ZFHX3: variants seen among roughly 807,000 people sequenced by gnomAD.
ZFHX3 encodes zinc finger homeobox 3.
In ZFHX3, 42 loss-of-function variants were observed where a neutral mutation model predicts 279.1. The ratio of observed to expected loss-of-function variants is 0.15; its 90% CI spans 0.12 to 0.19. ZFHX3 has a LOEUF of 0.19. ZFHX3 is among the 10% of genes least tolerant of loss of function. The probability of loss-of-function intolerance (pLI) is 1.00; values close to 1 mark genes in which losing one functional copy is unlikely to be tolerated. For synonymous variants in ZFHX3, 2,293 were observed against 1,957.8 expected, an observed-to-expected ratio of 1.17 and a Z score of -4.52; for missense variants, 4,981 against 4,754.0, an observed-to-expected ratio of 1.05 and a Z score of -1.40.
intron 2 of ZFHX3, among the ~76,000 whole-genome samples, chr16:73,557,320 G>C (rs1249095745): frequency 6.6e-6 from 1 of 152,112 alleles, no homozygotes; most frequent in Non-Finnish European, 1.5e-5. Context: ...TGTACTATTA[G>C]ACCCTTGTGT....
intron 3 of ZFHX3, among the ~76,000 whole-genome samples, chr16:73,413,303 GA>G (rs2017506493): frequency 6.6e-6 from 1 of 152,238 alleles, no homozygotes; most frequent in South Asian, 2.1e-4. Flanking sequence ...AAGTTCAAAG[GA>G]AACTTGGGAA....
At chr16:73,428,444 C>A (rs1433273095) in intron 3 of ZFHX3, among the ~76,000 whole-genome samples, 2 of 152,140 alleles carry the variant, frequency 1.3e-5, no homozygotes, top group Non-Finnish European at 2.9e-5. Flanking sequence ...AAGAAAACAC[C>A]TCCCCGCGCT....
chr16:73,557,592 C>A (rs2020306994), intron 2 of ZFHX3, among the ~76,000 whole-genome samples: 1 of 152,126 alleles, frequency 6.6e-6, no homozygotes, highest in African/African-American at 2.4e-5. Flanking sequence ...CTGACATTGT[C>A]ATGGCATTTG....
chr16:73,844,428 T>A (rs1961391607), intron 1 of ZFHX3, among the ~76,000 whole-genome samples: 1 of 152,148 alleles, frequency 6.6e-6, no homozygotes, highest in African/African-American at 2.4e-5. Flanking sequence ...AAGGAGATCA[T>A]GAAAATAATG....
chr16:73,797,529 T>C (rs551868660), intron 1 of ZFHX3, among the ~76,000 whole-genome samples: 15 of 152,082 alleles, frequency 9.9e-5, no homozygotes, highest in Non-Finnish European at 1.6e-4. Flanking sequence ...GGGAGGTCAG[T>C]GGAAATTATA....
chr16:72,974,234 C>G (rs777048126), intron 1 of ZFHX3, among the ~76,000 whole-genome samples: 1 of 152,206 alleles, frequency 6.6e-6, no homozygotes, highest in Admixed American at 6.5e-5. Flanking sequence ...AGCTGCTTTT[C>G]TCTGGGCCTG....
chr16:73,535,374 C>T (rs560383941), intron 2 of ZFHX3, among the ~76,000 whole-genome samples: 3 of 152,318 alleles, frequency 2.0e-5, no homozygotes, highest in South Asian at 2.1e-4. Flanking sequence ...TAACAATCCA[C>T]TCTTGGGAGC....
At chr16:73,839,383 C>A (rs1961239704) in intron 1 of ZFHX3, among the ~76,000 whole-genome samples, 1 of 120,036 alleles carries the variant, frequency 8.3e-6, no homozygotes, top group Admixed American at 1.0e-4. Context: ...TCTGCATGGG[C>A]AATGAATTGA....
intron 4 of ZFHX3, among the ~76,000 whole-genome samples, chr16:72,869,051 C>G (rs1045621927): frequency 2.0e-5 from 3 of 152,128 alleles, no homozygotes; most frequent in African/African-American, 7.2e-5. Context: ...CTGAGCCATC[C>G]CAGGGCAAAC....
intron 4 of ZFHX3, among the ~76,000 whole-genome samples, chr16:72,832,189 G>A (rs187329786): frequency 2.6e-5 from 4 of 152,278 alleles, no homozygotes; most frequent in Admixed American, 2.0e-4. Flanking sequence ...ACAGCCTGCA[G>A]CTATCACAGC....
At chr16:73,035,341 G>A (rs991539211) in intron 1 of ZFHX3, among the ~76,000 whole-genome samples, 1 of 152,102 alleles carries the variant, frequency 6.6e-6, no homozygotes, top group African/African-American at 2.4e-5. Context: ...ATTTCTACTG[G>A]ATGGTCCTGT....
At chr16:72,829,588 T>C (rs1209475089) in intron 5 of ZFHX3, 191 bp downstream of exon 5, 2 of 610,636 alleles carry the variant, frequency 3.3e-6, no homozygotes, top group Non-Finnish European at 2.9e-6. Context: ...TAATGTAGTA[T>C]AATAAAGAAG....
rs115100655 is a variant in ZFHX3, at chr16:73,107,129, G to C, written c.-896-13531C>G. Among the ~76,000 whole-genome samples the C allele has an allele frequency of 5.9e-5, 9 of 151,956 alleles. No homozygotes were observed. The East Asian group carries it at 7.7e-4, about 13-fold the overall frequency. ...GTCAGGAGTTCGAGACCAACATGGCGAAATGCTGTCTCTACTAAAAATACA... is the reference window on the plus strand; with the variant it reads ...GTCAGGAGTTCGAGACCAACATGGCCAAATGCTGTCTCTACTAAAAATACA... On this transcript the variant is annotated intron_variant, in intron 7 of 17. Transcript: ENST00000641206.
intron 2 of ZFHX3, among the ~76,000 whole-genome samples, chr16:73,464,422 TTC>T (rs994500031): frequency 3.3e-5 from 5 of 151,500 alleles, no homozygotes; most frequent in Admixed American, 3.3e-4. Context: ...TCTCCAACCA[TTC>T]TCTCTTTTAT....
rs1376536899 is a variant in ZFHX3 at position 73,689,804 on chromosome 16, T to A, written c.-1607-9564A>T. ...CTTACCCAGCTCTGAGGACATACAG[T>A]TTTTTGTTTTTTGTTTTTTTTGTTG... On this transcript the variant is annotated intron_variant, in intron 1 of 17. Transcript: ENST00000641206. 2.0e-5 allele frequency among the ~76,000 whole-genome samples: 3 copies of A among 149,356 alleles called. No homozygotes were observed. The East Asian group carries it at 5.8e-4, about 29-fold the overall frequency.
chr16:73,017,792 G>A (rs751717159), intron 1 of ZFHX3, among the ~76,000 whole-genome samples: 125 of 152,258 alleles, frequency 8.2e-4, no homozygotes, highest in Middle Eastern at 3.4e-3. Context: ...AGGGCTAGGG[G>A]TAAGCAGCAA....
intron 2 of ZFHX3, among the ~76,000 whole-genome samples, chr16:73,588,707 C>CAAAAAAAAAAAAA (rs35010044): frequency 4.5e-5 from 6 of 134,230 alleles, no homozygotes; most frequent in African/African-American, 1.4e-4. Flanking sequence ...AAAAACAAAA[C>CAAAAAAAAAAAAA]AAAAAAAAAA....
chr16:73,128,136 T>A (rs1187828013), intron 7 of ZFHX3, among the ~76,000 whole-genome samples: 2 of 152,228 alleles, frequency 1.3e-5, no homozygotes, highest in Non-Finnish European at 2.9e-5. Context: ...ATTTTTGGCC[T>A]TGTTTGTTAC....
At chr16:73,486,214 C>T (rs1045839076) in intron 2 of ZFHX3, among the ~76,000 whole-genome samples, 1 of 152,212 alleles carries the variant, frequency 6.6e-6, no homozygotes, top group Admixed American at 6.5e-5. Context: ...TCCATTTACA[C>T]AGGGCATACA....
Sources: allele counts gnomAD v4.1 joint callset (sites outside exome capture counted in the v4.1 genomes callset), GRCh38; gene constraint gnomAD v4.1.1; transcripts MANE v1.5; gene names NCBI Gene and HGNC (gene_info 2026-07-23, HGNC 2026-07-21).